ANKMY1: variants seen among roughly 807,000 people sequenced by gnomAD.
The protein encoded by ANKMY1 is ankyrin repeat and MYND domain containing 1, also known as ankyrin repeat and MYND domain-containing protein 1.
In ANKMY1, 98 loss-of-function variants were observed where a neutral mutation model predicts 102.0. The ratio of observed to expected loss-of-function variants is 0.96; its 90% CI spans 0.82 to 1.14. The LOEUF is 1.14. Ranked by LOEUF, ANKMY1 falls within the 50% of genes most tolerant of loss-of-function variation. ANKMY1 has a pLI of 0.00. For synonymous variants in ANKMY1, 582 were observed against 559.9 expected (o/e 1.04, Z -0.56); for missense variants, 1,330 against 1,347.6 (o/e 0.99, Z 0.20).
chr2:240,496,705 T>C (rs1386088784), intron 15 of ANKMY1, among the ~76,000 whole-genome samples: 5 of 152,222 alleles, frequency 3.3e-5, no homozygotes, highest in African/African-American at 1.2e-4. Context: ...AAGGATCTCT[T>C]TGACTGTCTC....
At chr2:240,535,787 A>T (rs1479842333) in intron 4 of ANKMY1, among the ~76,000 whole-genome samples, 1 of 152,134 alleles carries the variant, frequency 6.6e-6, no homozygotes, top group Non-Finnish European at 1.5e-5. Flanking sequence ...CTCAGCTGTG[A>T]TCATGCCACT....
Position 240,520,069 on chromosome 2 carries a change from A to G in ANKMY1, c.2004+293T>C. Reference sequence around the variant, plus strand: ...CCTGAATATAAGTCTCCCCTTTCCAAGGGGCCTTCAGGATGCGCTTCCCCT... The same window carrying G: ...CCTGAATATAAGTCTCCCCTTTCCAGGGGGCCTTCAGGATGCGCTTCCCCT... On this transcript the variant is annotated intron_variant, in intron 9 of 17. Coordinates refer to ENST00000401804, the MANE Select transcript of ANKMY1 (RefSeq NM_001282771.3). The surrounding 1 kb of genome is among the most constrained non-coding windows in gnomAD (Gnocchi z 4.8). 1.7e-6 allele frequency: 1 copy of G among 603,402 alleles called. No individual in the cohort carries two copies. The highest frequency in any genetic ancestry group is 1.5e-5 in the South Asian group (1 of 65,770). The allele number at this position is 603,402 out of a possible 1,614,324, so 37.4% of individuals were successfully genotyped here.
At chr2:240,551,847 A>T (rs2125097897) in intron 4 of ANKMY1, among the ~76,000 whole-genome samples, 1 of 152,342 alleles carries the variant, frequency 6.6e-6, no homozygotes, top group East Asian at 1.9e-4. Flanking sequence ...AAACATAGAA[A>T]TTGACCCTTC....
At position 240,554,933 on chromosome 2, in the gene ANKMY1, A is replaced by T. The variant is rs768629227; in HGVS notation, c.269T>A (p.Met90Lys). ...QGVQEWQDGC[M>K]YQGEFGLNMK... Reference sequence around the variant, plus strand: ...GTTCAACCCAAACTCCCCCTGGTACATGCAACCATCCTGCCACTCCTGCAC... The same window carrying T: ...GTTCAACCCAAACTCCCCCTGGTACTTGCAACCATCCTGCCACTCCTGCAC... The change falls in exon 3 of 18, where the codon ATG (methionine) becomes AAG (lysine). Residue 90 changes from methionine (M) to lysine (K), a missense_variant. By Grantham distance (95) the Met-to-Lys change is moderately conservative. Transcript: ENST00000401804. 7 of 1,614,166 alleles carry T rather than the reference A, an allele frequency of 4.3e-6. No homozygotes were observed. The South Asian group carries it at 5.5e-5, about 13-fold the overall frequency.
rs918094444 is a variant in ANKMY1, at chr2:240,479,755, A to G, written c.3047-100T>C. The G allele has an allele frequency of 7.7e-5, 81 of 1,056,720 alleles. 2 individuals carry two copies. In the Admixed American group the frequency reaches 1.3e-3, roughly 17 times the overall value. The allele number at this position is 1,056,720 out of a possible 1,614,324, so 65.5% of individuals were successfully genotyped here. On this transcript the variant is annotated intron_variant, in intron 17 of 17. Transcript: ENST00000401804. Reference sequence around the variant, plus strand: ...CTCGGGCTGTGTGGGGCGGCTGAGGACTGTGCTCTGTCTAGAGCTTTTGCA... The same window carrying G: ...CTCGGGCTGTGTGGGGCGGCTGAGGGCTGTGCTCTGTCTAGAGCTTTTGCA...
intron 5 of ANKMY1, chr2:240,527,664 A>ATGGGTGGGTGGGTGTATG (rs1381723857): frequency 8.8e-5 from 1 of 11,406 alleles, no homozygotes; most frequent in African/African-American, 3.1e-4. Flanking sequence ...GTGGGTGGAC[A>ATGGGTGGGTGGGTGTATG]AATGGGTAGG....
At chr2:240,536,718 A>G (rs1011483693) in intron 4 of ANKMY1, among the ~76,000 whole-genome samples, 6 of 152,258 alleles carry the variant, frequency 3.9e-5, no homozygotes, top group African/African-American at 1.4e-4. Flanking sequence ...AAGATTAGAC[A>G]GTCAAAAAAT....
chr2:240,539,131 A>G (rs910714328), intron 4 of ANKMY1, among the ~76,000 whole-genome samples: 4 of 152,154 alleles, frequency 2.6e-5, no homozygotes, highest in Admixed American at 6.6e-5. Context: ...CCCCTTCCAC[A>G]CTGTGAAAGC....
In ANKMY1 at chr2:240,482,226, C is replaced by A; in HGVS notation, c.2842G>T (p.Gly948Cys). 1 of 1,612,976 alleles carries A rather than the reference C, an allele frequency of 6.2e-7. No individual in the cohort carries two copies. The highest frequency in any genetic ancestry group is 1.1e-5 in the South Asian group (1 of 90,804). ...LIPSHRMKKK[G>C]PSLPRGLDVK... Reference sequence around the variant, plus strand: ...TCCAGGCCCCTGGGCAGGCTGGGGCCCTTCTTCTTCATCCTGTGGCTGGGG... The same window carrying A: ...TCCAGGCCCCTGGGCAGGCTGGGGCACTTCTTCTTCATCCTGTGGCTGGGG... Residue 948 changes from glycine to cysteine, a missense_variant, in exon 16 of 18, where the codon GGC (glycine) becomes TGC (cysteine). Gly to Cys is a radical substitution (Grantham distance 159). Coordinates refer to ENST00000401804, the MANE Select transcript of ANKMY1 (RefSeq NM_001282771.3).
intron 10 of ANKMY1, 106 bp downstream of exon 10, chr2:240,512,696 G>C: frequency 1.4e-6 from 2 of 1,388,430 alleles, no homozygotes; most frequent in Non-Finnish European, 1.9e-6. Flanking sequence ...CCCCAAGCCA[G>C]GAGGCCCATC....
intron 16 of ANKMY1, among the ~76,000 whole-genome samples, chr2:240,481,403 A>G (rs993431558): frequency 4.6e-5 from 7 of 152,294 alleles, no homozygotes; most frequent in Non-Finnish European, 8.8e-5. Flanking sequence ...CCGTGGGGCC[A>G]CACACACGAT....
chr2:240,535,395 A>C (rs939383784), intron 4 of ANKMY1, among the ~76,000 whole-genome samples: 1 of 152,234 alleles, frequency 6.6e-6, no homozygotes, highest in African/African-American at 2.4e-5. Context: ...TAAAGAACCA[A>C]GTTTTATTGT....
the ANKMY1 span, among the ~76,000 whole-genome samples, chr2:240,468,750 C>T: frequency 6.6e-6 from 1 of 152,216 alleles, no homozygotes; most frequent in South Asian, 2.1e-4. Flanking sequence ...CCCCTAGCAA[C>T]TGGGACCTCC....
At chr2:240,483,923 A>G (rs2075743455) in intron 15 of ANKMY1, among the ~76,000 whole-genome samples, 1 of 152,118 alleles carries the variant, frequency 6.6e-6, no homozygotes, top group Non-Finnish European at 1.5e-5. Flanking sequence ...CTTATGAGTG[A>G]GAACATGAGG....
intron 4 of ANKMY1, among the ~76,000 whole-genome samples, chr2:240,543,994 T>A (rs958980253): frequency 6.6e-6 from 1 of 152,156 alleles, no homozygotes; most frequent in Admixed American, 6.5e-5. Context: ...ATTCTGTATA[T>A]AAAATATACC....
Position 240,530,073 on chromosome 2 carries a change from C to T in ANKMY1, c.481-564G>A, listed in dbSNP as rs550579036. On this transcript the variant is annotated intron_variant, in intron 4 of 17. Coordinates refer to ENST00000401804, the MANE Select transcript of ANKMY1 (RefSeq NM_001282771.3). The stretch of plus-strand genomic sequence containing the variant: ...GGACAGAGGAAGAAGGGGAGCCAAT[C>T]CTTGCTTCCAGGAACCCAGCAGCTC... 1.6e-3 allele frequency among the ~76,000 whole-genome samples: 239 copies of T among 152,252 alleles called. 1 individual carries two copies. Among genetic ancestry groups the T allele is most frequent in the South Asian group, 0.013 (63 of 4,826 alleles).
intron 14 of ANKMY1, 116 bp downstream of exon 14, chr2:240,500,336 G>T: frequency 8.0e-7 from 1 of 1,244,096 alleles, no homozygotes; most frequent in Non-Finnish European, 1.1e-6. Context: ...GCTGCTCTGG[G>T]GGCGGCGCTA....
chr2:240,503,638 C>G (rs959070614), intron 13 of ANKMY1, among the ~76,000 whole-genome samples: 2 of 152,188 alleles, frequency 1.3e-5, no homozygotes, highest in African/African-American at 4.8e-5. Context: ...CAGGCCTGTG[C>G]ATCCCACAAG....
intron 5 of ANKMY1, chr2:240,527,792 C>CATGAGTAGA (rs2084182877): frequency 1.9e-4 from 1 of 5,248 alleles, no homozygotes; most frequent in Admixed American, 2.0e-3. Context: ...TGAACAGATG[C>CATGAGTAGA]CTGAAAGAAT....
Sources: gnomAD v4.1 joint callset for allele counts (sites outside exome capture counted in the v4.1 genomes callset) on GRCh38, gnomAD v4.1.1 for gene constraint, Gnocchi (gnomAD v3.1) non-coding constraint, MANE v1.5 for transcripts, NCBI Gene and HGNC (gene_info 2026-07-23, HGNC 2026-07-21) for gene names.